MEI1: variants seen among roughly 807,000 people sequenced by gnomAD.
The protein encoded by MEI1 is meiosis inhibitor protein 1.
MEI1 carries 103 observed loss-of-function variants against 146.2 expected under a neutral mutation model. That is an observed-to-expected ratio of 0.70 (90% CI 0.60 to 0.83). MEI1 has a LOEUF of 0.83. Ranked by LOEUF, MEI1 falls within the 40% of genes least tolerant of loss-of-function variation. The probability of loss-of-function intolerance (pLI) is 0.00; values close to 1 mark genes in which losing one functional copy is unlikely to be tolerated. For missense variants in MEI1, 1,529 were observed against 1,533.0 expected (o/e 1.00, Z 0.04); for synonymous variants, 652 against 628.2 (o/e 1.04, Z -0.57).
chr22:41,726,546 ATTGTT>A (rs971890949), intron 7 of MEI1, among the ~76,000 whole-genome samples: 14 of 152,290 alleles, frequency 9.2e-5, no homozygotes, highest in Middle Eastern at 3.4e-3. Flanking sequence ...ACCAAGAATC[ATTGTT>A]TTAATGGATA....
At position 41,706,933 on chromosome 22, in the gene MEI1, G is replaced by A. The variant is rs982650677; in HGVS notation, c.349+1379G>A. Among the ~76,000 whole-genome samples the A allele has an allele frequency of 4.6e-5, 7 of 151,196 alleles. No homozygotes were observed. In the South Asian group the frequency reaches 1.5e-3, roughly 32 times the overall value. On this transcript the variant is annotated intron_variant, in intron 3 of 30. Transcript: ENST00000401548. ...AGGCCGGGCGCAGTGGCTCACGCCT[G>A]TAATCCCAGCACTTTGGGAGGCTTA...
At chr22:41,755,548 C>T (rs2074037441) in intron 17 of MEI1, among the ~76,000 whole-genome samples, 1 of 152,200 alleles carries the variant, frequency 6.6e-6, no homozygotes, top group Non-Finnish European at 1.5e-5. Flanking sequence ...ACATCACCAT[C>T]ACCTCTCATG....
At chr22:41,769,456 A>G (rs2075044256) in intron 19 of MEI1, among the ~76,000 whole-genome samples, 1 of 147,790 alleles carries the variant, frequency 6.8e-6, no homozygotes, top group South Asian at 2.2e-4. Flanking sequence ...TGTAAAACCC[A>G]TATAATAGCA....
At position 41,799,400 on chromosome 22, in the gene MEI1, G is replaced by C; in HGVS notation, c.*101G>C. On this transcript the variant is annotated 3_prime_UTR_variant, in exon 31 of 31. Transcript: ENST00000401548. ...GATGACAGCTGAAGCTATTCATATG[G>C]AGCCATATACTCTATTGTTGAAATA... 8.9e-7 allele frequency: 1 copy of C among 1,120,208 alleles called. No homozygotes were observed. The highest frequency in any genetic ancestry group is 1.3e-6 in the Non-Finnish European group (1 of 745,506). The allele number at this position is 1,120,208 out of a possible 1,614,324, so 69.4% of individuals were successfully genotyped here.
chr22:41,755,800 G>A (rs1229643960), intron 17 of MEI1, among the ~76,000 whole-genome samples: 1 of 152,078 alleles, frequency 6.6e-6, no homozygotes, highest in Non-Finnish European at 1.5e-5. Flanking sequence ...ATGCTTTGGT[G>A]GACAAGCACT....
At chr22:41,712,732 C>G (rs1443216502) in intron 3 of MEI1, among the ~76,000 whole-genome samples, 1 of 145,628 alleles carries the variant, frequency 6.9e-6, no homozygotes, top group Non-Finnish European at 1.5e-5. Flanking sequence ...TCACATTAAA[C>G]AAAACAATAT....
At chr22:41,716,936 G>A (rs942288619) in intron 5 of MEI1, among the ~76,000 whole-genome samples, 6 of 151,588 alleles carry the variant, frequency 4.0e-5, no homozygotes, top group Admixed American at 1.3e-4. Flanking sequence ...TGTTGGACCC[G>A]CCTCAGTCTC....
At chr22:41,767,496 C>A in intron 19 of MEI1, 1 of 446,398 alleles carries the variant, frequency 2.2e-6, no homozygotes, top group Non-Finnish European at 4.6e-6. Context: ...TCCCCAATAG[C>A]CAGAGTGTGG....
At chr22:41,715,005 A>G (rs1037303241) in intron 4 of MEI1, among the ~76,000 whole-genome samples, 1 of 152,250 alleles carries the variant, frequency 6.6e-6, no homozygotes, top group Non-Finnish European at 1.5e-5. Context: ...AAAACCATCA[A>G]GAACATTTCA....
At chr22:41,783,640 A>G (rs2075843524) in intron 24 of MEI1, among the ~76,000 whole-genome samples, 1 of 152,104 alleles carries the variant, frequency 6.6e-6, no homozygotes, top group South Asian at 2.1e-4. Flanking sequence ...AGAGAGGTGC[A>G]GTAACTTGCC....
intron 13 of MEI1, among the ~76,000 whole-genome samples, 173 bp from the exon 14 acceptor site, chr22:41,745,712 C>T (rs1206491602): frequency 6.6e-6 from 1 of 152,020 alleles, no homozygotes. Context: ...GAGAGATAGC[C>T]AGGGATCAAG....
At position 41,742,142 on chromosome 22, in the gene MEI1, C is replaced by T. The variant is rs9607837; in HGVS notation, c.1332-938C>T. Among the ~76,000 whole-genome samples, 1,247 of 152,050 alleles carry T rather than the reference C, an allele frequency of 8.2e-3. 6 individuals carry two copies. Among genetic ancestry groups the T allele is most frequent in the Non-Finnish European group, 0.012 (790 of 67,992 alleles). ...GGGTGTAGTGGTGTGCGCCTGTAGTCCCAGTTACTCAGGTGGCTGAGGCAG... is the reference window on the plus strand; with the variant it reads ...GGGTGTAGTGGTGTGCGCCTGTAGTTCCAGTTACTCAGGTGGCTGAGGCAG... On this transcript the variant is annotated intron_variant, in intron 11 of 30. Coordinates refer to ENST00000401548, the MANE Select transcript of MEI1 (RefSeq NM_152513.4).
At chr22:41,761,574 A>G (rs1229868996) in intron 18 of MEI1, among the ~76,000 whole-genome samples, 2 of 152,084 alleles carry the variant, frequency 1.3e-5, no homozygotes, top group Non-Finnish European at 2.9e-5. Flanking sequence ...TCGGCCTCCC[A>G]AAGTGCTGGG....
chr22:41,759,843 TAA>T (rs1232105817), intron 18 of MEI1, among the ~76,000 whole-genome samples: 1 of 150,972 alleles, frequency 6.6e-6, no homozygotes, highest in Admixed American at 6.6e-5. Context: ...AAAAAGGATA[TAA>T]AAATAAAAGG....
chr22:41,715,630 C>T (rs1423810857), intron 4 of MEI1, among the ~76,000 whole-genome samples: 1 of 151,924 alleles, frequency 6.6e-6, no homozygotes, highest in Admixed American at 6.6e-5. Flanking sequence ...CTCCTGACCT[C>T]GTGATCCGCC....
At position 41,795,695 on chromosome 22, in the gene MEI1, A is replaced by T; in HGVS notation, c.3667-40A>T. On this transcript the variant is annotated intron_variant, in intron 29 of 30. Transcript: ENST00000401548. This position sits in a 1 kb window ranked among gnomAD's most constrained non-coding sequence, Gnocchi z 4.2. ...CAGTTAGGGCCTGTGTGGAATGGGC[A>T]CTGAGGAGGCCTGTCTTCCCTGCCC... 1.9e-6 allele frequency: 3 copies of T among 1,600,814 alleles called. No individual in the cohort carries two copies. Among genetic ancestry groups the T allele is most frequent in the Non-Finnish European group, 2.6e-6 (3 of 1,171,340 alleles).
intron 6 of MEI1, among the ~76,000 whole-genome samples, chr22:41,718,503 T>C (rs1316164295): frequency 6.6e-6 from 1 of 152,110 alleles, no homozygotes; most frequent in African/African-American, 2.4e-5. Flanking sequence ...GGACAGCAAT[T>C]TTTTCTGCCT....
chr22:41,790,554 T>C (rs1227181999), intron 26 of MEI1, among the ~76,000 whole-genome samples: 1 of 152,170 alleles, frequency 6.6e-6, no homozygotes, highest in African/African-American at 2.4e-5. Context: ...TTTTATTATA[T>C]GATAGTGGTT....
chr22:41,798,724 C>T (rs1983555), intron 30 of MEI1, among the ~76,000 whole-genome samples: 114,890 of 151,782 alleles, frequency 0.76, 44,132 homozygotes, highest in East Asian at 1. Context: ...AAAAATTAGC[C>T]GGGCATGGTG....
Sources: allele counts gnomAD v4.1 joint callset (sites outside exome capture counted in the v4.1 genomes callset), GRCh38; gene constraint gnomAD v4.1.1; non-coding constraint Gnocchi (gnomAD v3.1); transcripts MANE v1.5; gene names NCBI Gene and HGNC (gene_info 2026-07-23, HGNC 2026-07-21).